SHISA9: variants seen among roughly 807,000 people sequenced by gnomAD.
The protein encoded by SHISA9 is shisa family member 9, also known as protein shisa-9.
In SHISA9, 13 loss-of-function variants were observed where a neutral mutation model predicts 38.0. That is an observed-to-expected ratio of 0.34 (90% CI 0.22 to 0.54). SHISA9 has a LOEUF of 0.54. Ranked by LOEUF, SHISA9 falls within the 20% of genes least tolerant of loss-of-function variation. The pLI is 0.91. For missense variants in SHISA9, 538 were observed against 575.8 expected (o/e 0.93, Z 0.67); for synonymous variants, 275 against 242.0 (o/e 1.14, Z -1.27).
intron 2 of SHISA9, among the ~76,000 whole-genome samples, chr16:13,034,270 T>C (rs2073026984): frequency 6.6e-6 from 1 of 152,134 alleles, no homozygotes; most frequent in Admixed American, 6.5e-5. Context: ...GATTCAGGAA[T>C]GGCATTGGTG....
chr16:13,559,834 A>G, the SHISA9 span, among the ~76,000 whole-genome samples: 1 of 152,198 alleles, frequency 6.6e-6, no homozygotes, highest in Non-Finnish European at 1.5e-5. Context: ...GATTACAGAA[A>G]AGGTAGGGGA....
chr16:13,499,958 C>T, the SHISA9 span, among the ~76,000 whole-genome samples: 1 of 152,190 alleles, frequency 6.6e-6, no homozygotes. Context: ...TTGATCCTCA[C>T]CCCAAAGGAG....
chr16:13,473,624 C>G, the SHISA9 span, among the ~76,000 whole-genome samples: 1 of 152,132 alleles, frequency 6.6e-6, no homozygotes, highest in Admixed American at 6.5e-5. Flanking sequence ...AAGCTGTCAA[C>G]TGTCTAATGC....
intron 2 of SHISA9, among the ~76,000 whole-genome samples, chr16:13,080,555 C>A (rs2073637211): frequency 6.6e-6 from 1 of 152,080 alleles, no homozygotes; most frequent in Admixed American, 6.6e-5. Flanking sequence ...TCACCAAGAC[C>A]ACAGACATTG....
the SHISA9 span, among the ~76,000 whole-genome samples, chr16:13,312,374 A>G: frequency 3.9e-5 from 6 of 152,218 alleles, no homozygotes; most frequent in Non-Finnish European, 7.3e-5. Flanking sequence ...CAAAGAATCA[A>G]TTGAAACTAA....
At chr16:13,262,662 A>AGGGAGGG in the SHISA9 span, among the ~76,000 whole-genome samples, 30 of 52,418 alleles carry the variant, frequency 5.7e-4, no homozygotes, top group African/African-American at 2.3e-3. Flanking sequence ...GGAAGGAAGG[A>AGGGAGGG]AGGAAGGAAG....
chr16:13,192,395 C>G (rs1385765345), intron 2 of SHISA9, among the ~76,000 whole-genome samples: 1 of 151,822 alleles, frequency 6.6e-6, no homozygotes, highest in Admixed American at 6.6e-5. Flanking sequence ...AAAAAGAAAG[C>G]TTTGGAAAAA....
chr16:13,432,557 A>T, the SHISA9 span, among the ~76,000 whole-genome samples: 1 of 152,076 alleles, frequency 6.6e-6, no homozygotes, highest in East Asian at 1.9e-4. Flanking sequence ...CAAATTTAAC[A>T]GTATATTTTT....
At chr16:13,498,930 CT>C in the SHISA9 span, among the ~76,000 whole-genome samples, 1 of 152,146 alleles carries the variant, frequency 6.6e-6, no homozygotes, top group Admixed American at 6.5e-5. Flanking sequence ...GTCCTGCCTT[CT>C]TTTTCCACCT....
At chr16:13,429,942 A>G in the SHISA9 span, among the ~76,000 whole-genome samples, 4 of 152,180 alleles carry the variant, frequency 2.6e-5, no homozygotes, top group African/African-American at 9.7e-5. Flanking sequence ...CTATATTAGG[A>G]GATTGAGTCT....
the SHISA9 span, among the ~76,000 whole-genome samples, chr16:13,517,702 A>G: frequency 6.6e-6 from 1 of 152,186 alleles, no homozygotes; most frequent in Non-Finnish European, 1.5e-5. Context: ...GTGGCAGAAA[A>G]GAGAAGGACC....
At chr16:13,216,619 T>A (rs981116484) in intron 4 of SHISA9, among the ~76,000 whole-genome samples, 5 of 152,176 alleles carry the variant, frequency 3.3e-5, no homozygotes, top group African/African-American at 9.7e-5. Flanking sequence ...TGAATGTTGC[T>A]GGGAACCTAC....
At chr16:13,190,386 G>T (rs1486524505) in intron 2 of SHISA9, among the ~76,000 whole-genome samples, 1 of 152,258 alleles carries the variant, frequency 6.6e-6, no homozygotes, top group Non-Finnish European at 1.5e-5. Flanking sequence ...GTTATGGGAC[G>T]TTAGGGATGT....
At chr16:13,246,732 A>G in the SHISA9 span, among the ~76,000 whole-genome samples, 13 of 152,116 alleles carry the variant, frequency 8.5e-5, no homozygotes, top group Admixed American at 3.3e-4. Flanking sequence ...AGTTAGGAAT[A>G]ATCTTCTATT....
At chr16:13,009,914 C>T (rs995746433) in intron 2 of SHISA9, among the ~76,000 whole-genome samples, 1 of 152,118 alleles carries the variant, frequency 6.6e-6, no homozygotes, top group African/African-American at 2.4e-5. Flanking sequence ...TAGTGGCTCA[C>T]ACTTGTAATC....
chr16:13,430,793 C>A, the SHISA9 span, among the ~76,000 whole-genome samples: 1 of 151,734 alleles, frequency 6.6e-6, no homozygotes, highest in East Asian at 1.9e-4. Flanking sequence ...GTGGAACATG[C>A]CTGTAGTCCC....
chr16:13,021,921 G>T (rs2072860336), intron 2 of SHISA9, among the ~76,000 whole-genome samples: 1 of 152,176 alleles, frequency 6.6e-6, no homozygotes, highest in Admixed American at 6.5e-5. Context: ...GCATGGTTTT[G>T]AAACAATAGA....
chr16:13,405,128 A>G, the SHISA9 span, among the ~76,000 whole-genome samples: 1 of 152,218 alleles, frequency 6.6e-6, no homozygotes, highest in Non-Finnish European at 1.5e-5. Flanking sequence ...GGATGGCTAT[A>G]GTGTAGCAAA....
the SHISA9 span, among the ~76,000 whole-genome samples, chr16:13,444,987 T>C: frequency 8.8e-4 from 3 of 3,394 alleles, no homozygotes; most frequent in African/African-American, 6.5e-3. Context: ...CCTAGCTATA[T>C]ATATATATAT....
Sources: allele counts gnomAD v4.1 joint callset (sites outside exome capture counted in the v4.1 genomes callset), GRCh38; gene constraint gnomAD v4.1.1; transcripts MANE v1.5; gene names NCBI Gene and HGNC (gene_info 2026-07-23, HGNC 2026-07-21).